The following IGFL2 variants were observed in gnomAD, a reference collection of about 807,000 sequenced individuals.
IGFL2 encodes insulin growth factor-like family member 2.
Under a neutral mutation model 13.9 loss-of-function variants are expected in IGFL2, and 7 were observed. The ratio of observed to expected loss-of-function variants is 0.51; its 90% CI spans 0.29 to 0.95. The LOEUF (loss-of-function observed/expected upper bound fraction) is 0.95, where lower values mean the gene tolerates loss of function less well. Among genes scored for constraint, IGFL2 ranks in the 40% least tolerant of loss-of-function variants. The pLI, the probability that IGFL2 is intolerant of heterozygous loss-of-function variation, is 0.08. For synonymous variants in IGFL2, 55 were observed against 55.8 expected (o/e 0.99, Z 0.07); for missense variants, 138 against 147.8 (o/e 0.93, Z 0.34).
downstream of IGFL2, among the ~76,000 whole-genome samples, chr19:46,163,538 T>C (rs1388932728): frequency 6.6e-6 from 1 of 152,214 alleles, no homozygotes; most frequent in Admixed American, 6.5e-5. Flanking sequence ...TTGGGTTGAC[T>C]GCAGCTTGTT....
the IGFL2 span, among the ~76,000 whole-genome samples, chr19:46,191,672 A>G: frequency 6.6e-6 from 1 of 152,076 alleles, no homozygotes; most frequent in Non-Finnish European, 1.5e-5. Flanking sequence ...GTTTTTGGAG[A>G]GCCGCAGGTC....
chr19:46,107,825 G>A, the IGFL2 span, among the ~76,000 whole-genome samples: 98 of 152,266 alleles, frequency 6.4e-4, 1 homozygote, highest in Non-Finnish European at 1.1e-3. Context: ...CTGGGTCTAG[G>A]GCAGTAAAGC....
chr19:46,172,256 A>G, the IGFL2 span, among the ~76,000 whole-genome samples: 1 of 152,234 alleles, frequency 6.6e-6, no homozygotes, highest in Admixed American at 6.5e-5. Flanking sequence ...GTTACTACAC[A>G]ATCGGCAGAA....
the IGFL2 span, among the ~76,000 whole-genome samples, chr19:46,166,647 G>T: frequency 6.6e-6 from 1 of 152,142 alleles, no homozygotes; most frequent in Non-Finnish European, 1.5e-5. Context: ...TTTCATCTCT[G>T]CAATCTCGAC....
chr19:46,094,417 A>G, the IGFL2 span, among the ~76,000 whole-genome samples: 2 of 152,190 alleles, frequency 1.3e-5, no homozygotes, highest in Non-Finnish European at 2.9e-5. Flanking sequence ...TCAAAATGAT[A>G]GAAGTCTATA....
At chr19:46,102,035 G>T in the IGFL2 span, among the ~76,000 whole-genome samples, 2 of 152,210 alleles carry the variant, frequency 1.3e-5, no homozygotes, top group African/African-American at 4.8e-5. Context: ...TATCTAAGTG[G>T]CTGGAGCTGG....
chr19:46,191,499 A>G, the IGFL2 span, among the ~76,000 whole-genome samples: 2 of 152,192 alleles, frequency 1.3e-5, no homozygotes, highest in African/African-American at 4.8e-5. Flanking sequence ...AAACGTTGCC[A>G]GAGTGGATAG....
chr19:46,118,418 G>C, the IGFL2 span, among the ~76,000 whole-genome samples: 1 of 152,234 alleles, frequency 6.6e-6, no homozygotes, highest in Non-Finnish European at 1.5e-5. Context: ...TGACTGAGCT[G>C]GGAGAGGCTC....
At chr19:46,084,314 A>G in the IGFL2 span, among the ~76,000 whole-genome samples, 1 of 152,152 alleles carries the variant, frequency 6.6e-6, no homozygotes, top group Non-Finnish European at 1.5e-5. Context: ...CATTTGGTCT[A>G]GAGTATAGTT....
the IGFL2 span, among the ~76,000 whole-genome samples, chr19:46,088,168 T>C: frequency 4.1e-4 from 62 of 152,242 alleles, no homozygotes; most frequent in Non-Finnish European, 7.5e-4. Context: ...ACTTCTCTGT[T>C]GAATTCTAAT....
At chr19:46,114,341 C>A in the IGFL2 span, among the ~76,000 whole-genome samples, 1 of 152,180 alleles carries the variant, frequency 6.6e-6, no homozygotes, top group Non-Finnish European at 1.5e-5. Context: ...CACTATAAAG[C>A]TTTCCTACTC....
the IGFL2 span, chr19:46,189,730 GTTATAA>G: frequency 6.6e-6 from 1 of 152,272 alleles, no homozygotes; most frequent in Admixed American, 6.5e-5. Context: ...TTTCTCTTAA[GTTATAA>G]TTGTAGAGAG....
At chr19:46,177,214 G>A in the IGFL2 span, among the ~76,000 whole-genome samples, 12 of 151,998 alleles carry the variant, frequency 7.9e-5, no homozygotes, top group African/African-American at 2.9e-4. Context: ...GGCCAACATG[G>A]TGAAACCCTG....
At chr19:46,104,313 G>C in the IGFL2 span, among the ~76,000 whole-genome samples, 1 of 152,186 alleles carries the variant, frequency 6.6e-6, no homozygotes, top group African/African-American at 2.4e-5. Context: ...TTTTAAGTTG[G>C]AGGCTGAGCT....
the IGFL2 span, chr19:46,112,840 T>A: frequency 6.6e-6 from 1 of 152,206 alleles, no homozygotes; most frequent in Admixed American, 6.5e-5. Flanking sequence ...ATGATGTGGC[T>A]CATACTTGGT....
the IGFL2 span, among the ~76,000 whole-genome samples, chr19:46,193,780 G>C: frequency 6.6e-6 from 1 of 152,068 alleles, no homozygotes; most frequent in Non-Finnish European, 1.5e-5. Context: ...GTCTCCCTTC[G>C]ATGTAATGAT....
chr19:46,148,335 C>G (rs538271102), intron 1 of IGFL2, 38 bp downstream of exon 1: 6 of 1,521,360 alleles, frequency 3.9e-6, no homozygotes, highest in Non-Finnish European at 5.4e-6. Context: ...CTAATGCCTA[C>G]TGTTATCCCT....
At chr19:46,137,190 T>C in the IGFL2 span, 2 of 1,591,798 alleles carry the variant, frequency 1.3e-6, no homozygotes, top group Non-Finnish European at 1.7e-6. Flanking sequence ...ATCACAAACT[T>C]CACAGAGCTT....
At chr19:46,163,557 G>A (rs530885151), downstream of IGFL2, among the ~76,000 whole-genome samples, 4 of 152,298 alleles carry the variant, frequency 2.6e-5, no homozygotes, top group African/African-American at 9.6e-5. Flanking sequence ...TTGGAGGTGT[G>A]AATAAAGCGC....
Sources: allele counts gnomAD v4.1 joint callset (sites outside exome capture counted in the v4.1 genomes callset), GRCh38; gene constraint gnomAD v4.1.1; transcripts MANE v1.5; gene names NCBI Gene and HGNC (gene_info 2026-07-23, HGNC 2026-07-21).